Variants in GPR153 observed in about 807,000 individuals in gnomAD.
GPR153 encodes the protein probable G protein-coupled receptor 153.
Under a neutral mutation model 34.1 loss-of-function variants are expected in GPR153, and 27 were observed. That is an observed-to-expected ratio of 0.79 (90% CI 0.58 to 1.09). The LOEUF (loss-of-function observed/expected upper bound fraction) is 1.09, where lower values mean the gene tolerates loss of function less well. GPR153 is among the 50% of genes least tolerant of loss of function. GPR153 has a pLI of 0.00. For missense variants in GPR153, 848 were observed against 860.2 expected (o/e 0.99, Z 0.18); for synonymous variants, 408 against 405.4 (o/e 1.01, Z -0.08).
chr1:6,253,498 G>A (rs1638492221), intron 3 of GPR153, among the ~76,000 whole-genome samples: 1 of 152,238 alleles, frequency 6.6e-6, no homozygotes, highest in South Asian at 2.1e-4. Context: ...CCTGGGCCCT[G>A]CAGTTGCCGG....
At position 6,250,162 on chromosome 1, in the gene GPR153, G is replaced by GC. The variant is rs1638409703; in HGVS notation, c.1165-160dup. 14 of 985,304 alleles carry GC rather than the reference G, an allele frequency of 1.4e-5. No individual in the cohort carries two copies. The South Asian group carries it at 5.6e-4, about 40-fold the overall frequency. The allele number at this position is 985,304 out of a possible 1,614,324, so 61.0% of individuals were successfully genotyped here. ...GTGAGGTTTGGTGCAGTCTCTTCGAGCCGCAGGGCTGTGTCAGACAGCTGG... is the reference window on the plus strand; with the variant it reads ...GTGAGGTTTGGTGCAGTCTCTTCGAGCCCGCAGGGCTGTGTCAGACAGCTGG... On this transcript the variant is annotated intron_variant, in intron 5 of 5. Transcript: ENST00000377893.
intron 5 of GPR153, 145 bp downstream of exon 5, chr1:6,250,295 A>G: frequency 6.3e-6 from 9 of 1,435,984 alleles, no homozygotes; most frequent in Non-Finnish European, 8.2e-6. Flanking sequence ...AAGCTGTGTG[A>G]CCTTTGGACA....
intron 1 of GPR153, among the ~76,000 whole-genome samples, chr1:6,259,828 A>C (rs116302750): frequency 1.3e-3 from 202 of 152,316 alleles, no homozygotes; most frequent in Non-Finnish European, 2.2e-3. Context: ...CATTCTTCAT[A>C]GAATGGAGCG....
At position 6,249,309 on chromosome 1, in the gene GPR153, C is replaced by G; in HGVS notation, c.*29G>C. 8.0e-7 allele frequency: 1 copy of G among 1,252,664 alleles called. No individual in the cohort carries two copies. Among genetic ancestry groups the G allele is most frequent in the Non-Finnish European group, 1.0e-6 (1 of 998,632 alleles). 77.6% of individuals were successfully genotyped at this position (1,252,664 alleles called of 1,614,324 possible). On this transcript the variant is annotated 3_prime_UTR_variant, in exon 6 of 6. Transcript: ENST00000377893. The surrounding 1 kb of genome is among the most constrained non-coding windows in gnomAD (Gnocchi z 4.3). ...GGCCCCGGAGAGCGGCCTGGCCTGC[C>G]TGGCGTCCGTGGGGAGGCGCCGGCG... is the stretch of plus-strand genomic sequence containing the variant.
intron 2 of GPR153, 55 bp downstream of exon 2, chr1:6,254,495 C>A: frequency 6.9e-7 from 1 of 1,442,372 alleles, no homozygotes; most frequent in South Asian, 1.4e-5. Flanking sequence ...CCAGATATGT[C>A]TTTGTTTTCA....
In GPR153 at chr1:6,249,301, T is replaced by G. The variant is rs1332203476; in HGVS notation, c.*37A>C. The G allele has an allele frequency of 8.1e-7, 1 of 1,239,462 alleles. No homozygotes were observed. The highest frequency in any genetic ancestry group is 3.2e-5 in the East Asian group (1 of 31,398). 76.8% of individuals were successfully genotyped at this position (1,239,462 alleles called of 1,614,324 possible). Reference sequence around the variant, plus strand: ...GGTGCTGCGGCCCCGGAGAGCGGCCTGGCCTGCCTGGCGTCCGTGGGGAGG... The same window carrying G: ...GGTGCTGCGGCCCCGGAGAGCGGCCGGGCCTGCCTGGCGTCCGTGGGGAGG... On this transcript the variant is annotated 3_prime_UTR_variant, in exon 6 of 6. Transcript: ENST00000377893. This position sits in a 1 kb window ranked among gnomAD's most constrained non-coding sequence, Gnocchi z 4.3.
intron 1 of GPR153, among the ~76,000 whole-genome samples, chr1:6,256,980 C>T (rs1375361995): frequency 6.6e-5 from 10 of 152,228 alleles, no homozygotes; most frequent in Non-Finnish European, 1.5e-4. Flanking sequence ...CCCTGACACC[C>T]AGGGGCTGTA....
Position 6,251,216 on chromosome 1 carries a change from G to A in GPR153, c.979+122C>T. ...AGTACATTTGGGGGTGACACGGGGT[G>A]TCTGGTGGTTGAGAATGAAGTCACC... On this transcript the variant is annotated intron_variant, in intron 4 of 5. Coordinates refer to ENST00000377893, the MANE Select transcript of GPR153 (RefSeq NM_207370.4). The surrounding 1 kb of genome is among the most constrained non-coding windows in gnomAD (Gnocchi z 4.9). 4 of 776,926 alleles carry A rather than the reference G, an allele frequency of 5.1e-6. No homozygotes were observed. Among genetic ancestry groups the A allele is most frequent in the Middle Eastern group, 2.4e-4 (1 of 4,156 alleles). 48.1% of individuals were successfully genotyped at this position (776,926 alleles called of 1,614,324 possible). A position where few individuals can be genotyped will look rare whatever the true frequency, so the allele number is the denominator to read the frequency against.
chr1:6,248,853 C>T lies in GPR153; in HGVS notation c.*485G>A, dbSNP rs1638359430. Reference sequence around the variant, plus strand: ...CTGAACACCCCTGTGCTTAGAGACCCTCTGTACCCTCCCCCCCCCCGAAGG... The same window carrying T: ...CTGAACACCCCTGTGCTTAGAGACCTTCTGTACCCTCCCCCCCCCCGAAGG... On this transcript the variant is annotated 3_prime_UTR_variant, in exon 6 of 6. Transcript: ENST00000377893. 6.5e-6 allele frequency: 1 copy of T among 153,098 alleles called. No individual in the cohort carries two copies. Among genetic ancestry groups the T allele is most frequent in the East Asian group, 1.9e-4 (1 of 5,222 alleles). The allele number at this position is 153,098 out of a possible 1,614,324, so 9.5% of individuals were successfully genotyped here.
In GPR153 at chr1:6,248,449, G is replaced by C. The variant is rs1354662379; in HGVS notation, c.*889C>G. 2 of 152,368 alleles carry C rather than the reference G, an allele frequency of 1.3e-5. No individual in the cohort carries two copies. The highest frequency in any genetic ancestry group is 2.9e-5 in the Non-Finnish European group (2 of 68,128). 9.4% of individuals were successfully genotyped at this position (152,368 alleles called of 1,614,324 possible). A position where few individuals can be genotyped will look rare whatever the true frequency, so the allele number is the denominator to read the frequency against. On this transcript the variant is annotated 3_prime_UTR_variant, in exon 6 of 6. Transcript: ENST00000377893. ...GCCATGGAGGGAGATGATGTGGTGG[G>C]GACAGGCAACGACGGCAGAGTAATG...
chr1:6,250,159 C>G (rs530921895), intron 5 of GPR153, 156 bp from the exon 6 acceptor site: 3 of 985,418 alleles, frequency 3.0e-6, no homozygotes, highest in Admixed American at 6.1e-5. Flanking sequence ...GCAGTCTCTT[C>G]GAGCCGCAGG....
In GPR153 at chr1:6,254,616, G is replaced by A. The variant is rs1411669862; in HGVS notation, c.290C>T (p.Thr97Ile). 3.1e-6 allele frequency: 5 copies of A among 1,610,738 alleles called. No individual in the cohort carries two copies. Among genetic ancestry groups the A allele is most frequent in the Non-Finnish European group, 1.7e-6 (2 of 1,178,070 alleles). ...GGAGAGGGAGGTGACAGAGAAACAG[G>A]TGGCCAGGGTGAGGGTGTAGAAGGT... Reference protein sequence around the residue: ...VSTFYTLTLATCFSVTSLSYH... With the variant: ...VSTFYTLTLAICFSVTSLSYH... The change falls in exon 2 of 6, where the codon ACC becomes ATC. Residue 97 changes from threonine (T) to isoleucine (I), a missense_variant. Physicochemically the swap from Thr to Ile is moderately conservative, Grantham distance 89. Transcript: ENST00000377893.
intron 3 of GPR153, among the ~76,000 whole-genome samples, chr1:6,252,036 C>G (rs1009224383): frequency 6.6e-6 from 1 of 152,214 alleles, no homozygotes; most frequent in Non-Finnish European, 1.5e-5. Flanking sequence ...TCTACCACCC[C>G]CTTCCCGGCC....
Position 6,250,572 on chromosome 1 carries a change from C to T in GPR153, c.1032G>A (p.Leu344=). 1.3e-6 allele frequency: 2 copies of T among 1,586,920 alleles called. No individual in the cohort carries two copies. Among genetic ancestry groups the T allele is most frequent in the Non-Finnish European group, 1.7e-6 (2 of 1,169,070 alleles). Residue 344 remains leucine, a synonymous_variant, in exon 5 of 6, where the codon CTG becomes CTA. Coordinates refer to ENST00000377893, the MANE Select transcript of GPR153 (RefSeq NM_207370.4). ...CAAAATCACCTCCATAGCCATAGTC[C>T]AGGGAGCGCTCCAACACCAGGTCCG... is the stretch of plus-strand genomic sequence containing the variant. ...ISPDLVLERS[L]DYGYGGDFVA...
rs1638450865 is a variant in GPR153 at position 6,251,569 on chromosome 1, C to T, written c.787-39G>A. ...GCTCGGCCTGGCACCTGCAGGACCC[C>T]CCACCATCACACAAGCTCCCCCTGA... On this transcript the variant is annotated intron_variant, in intron 3 of 5. Transcript: ENST00000377893. This position sits in a 1 kb window ranked among gnomAD's most constrained non-coding sequence, Gnocchi z 4.9. The T allele has an allele frequency of 9.9e-6, 15 of 1,520,850 alleles. No individual in the cohort carries two copies. The East Asian group carries it at 3.6e-4, about 37-fold the overall frequency. The allele number at this position is 1,520,850 out of a possible 1,614,324, so 94.2% of individuals were successfully genotyped here. A position where few individuals can be genotyped will look rare whatever the true frequency, so the allele number is the denominator to read the frequency against.
chr1:6,259,004 T>C (rs1638618271), intron 1 of GPR153, among the ~76,000 whole-genome samples: 1 of 152,252 alleles, frequency 6.6e-6, no homozygotes. Context: ...CTCATGCCTG[T>C]AATCCTAGCA....
At chr1:6,250,161 AGCC>A in intron 5 of GPR153, 158 bp from the exon 6 acceptor site, 1 of 985,318 alleles carries the variant, frequency 1.0e-6, no homozygotes, top group Non-Finnish European at 1.2e-6. Context: ...AGTCTCTTCG[AGCC>A]GCAGGGCTGT....
chr1:6,257,438 C>G (rs555461077), intron 1 of GPR153, among the ~76,000 whole-genome samples: 3 of 152,222 alleles, frequency 2.0e-5, no homozygotes, highest in Non-Finnish European at 4.4e-5. Flanking sequence ...GGACCCCGCG[C>G]TGAGGTTAAA....
Position 6,251,353 on chromosome 1 carries a change from C to T in GPR153, c.964G>A (p.Glu322Lys), listed in dbSNP as rs111870952. The change falls in exon 4 of 6, where the codon GAG becomes AAG. Residue 322 changes from glutamate (E) to lysine (K), a missense_variant. Coordinates refer to ENST00000377893, the MANE Select transcript of GPR153 (RefSeq NM_207370.4). This position sits in a 1 kb window ranked among gnomAD's most constrained non-coding sequence, Gnocchi z 4.9. Reference protein sequence around the residue: ...EKCMALMANDEESDDETSLEG... With the variant: ...EKCMALMANDKESDDETSLEG... ...CCATCCTCACCATCGTCTGACTCCTCGTCGTTGGCCATGAGGGCCATGCAC... is the reference window on the plus strand; with the variant it reads ...CCATCCTCACCATCGTCTGACTCCTTGTCGTTGGCCATGAGGGCCATGCAC... 1.8e-5 allele frequency: 29 copies of T among 1,607,062 alleles called. No homozygotes were observed. The highest frequency in any genetic ancestry group is 4.0e-5 in the African/African-American group (3 of 74,932).
Sources: allele counts gnomAD v4.1 joint callset (sites outside exome capture counted in the v4.1 genomes callset), GRCh38; gene constraint gnomAD v4.1.1; non-coding constraint Gnocchi (gnomAD v3.1); transcripts MANE v1.5; gene names NCBI Gene and HGNC (gene_info 2026-07-23, HGNC 2026-07-21).